The following CHD6 variants were observed in gnomAD, a reference collection of about 807,000 sequenced individuals.
CHD6 encodes chromodomain helicase DNA binding protein 6.
A neutral mutation model predicts 276.9 loss-of-function variants in CHD6; 50 were observed. The observed-to-expected ratio is 0.18, with a 90% CI of 0.14 to 0.23. CHD6 has a LOEUF of 0.23. Among genes scored for constraint, CHD6 ranks in the 10% least tolerant of loss-of-function variants. The probability of loss-of-function intolerance (pLI) is 1.00; values close to 1 mark genes in which losing one functional copy is unlikely to be tolerated. For synonymous variants in CHD6, 1,173 were observed against 1,229.3 expected (o/e 0.95, Z 0.96); for missense variants, 2,564 against 3,365.8 (o/e 0.76, Z 5.89).
intron 22 of CHD6, 43 bp downstream of exon 22, chr20:41,451,783 C>T (rs1286027189): frequency 1.9e-6 from 3 of 1,552,642 alleles, no homozygotes; most frequent in African/African-American, 2.7e-5. Flanking sequence ...GGATGAAGTG[C>T]ATGGGAATCG....
intron 1 of CHD6, among the ~76,000 whole-genome samples, chr20:41,613,746 T>C (rs1037316463): frequency 2.0e-5 from 3 of 152,312 alleles, no homozygotes; most frequent in Non-Finnish European, 2.9e-5. Flanking sequence ...TGGAAAGGTA[T>C]GGCGATAGGG....
intron 1 of CHD6, among the ~76,000 whole-genome samples, 186 bp from the exon 2 acceptor site, chr20:41,551,546 A>C (rs2045147380): frequency 6.6e-6 from 1 of 152,238 alleles, no homozygotes; most frequent in South Asian, 2.1e-4. Flanking sequence ...TTAGACCCTA[A>C]TTTATTGCAC....
rs542412222 is a variant in CHD6, at chr20:41,578,787, T to C, written c.-23-27427A>G. 3.3e-5 allele frequency among the ~76,000 whole-genome samples: 5 copies of C among 150,684 alleles called. No homozygotes were observed. The East Asian group carries it at 9.8e-4, about 30-fold the overall frequency. ...ATGCACACCTGTAATCCCAGCTACT[T>C]GGAGGCTGAGGTGGGAGGATCACTT... On this transcript the variant is annotated intron_variant, in intron 1 of 36. Transcript: ENST00000373233.
At chr20:41,484,792 A>T (rs2043373506) in intron 14 of CHD6, among the ~76,000 whole-genome samples, 185 bp from the exon 15 acceptor site, 1 of 152,182 alleles carries the variant, frequency 6.6e-6, no homozygotes, top group African/African-American at 2.4e-5. Context: ...GGAATAAGGG[A>T]TATGATTTTA....
chr20:41,496,633 G>A (rs564484839), intron 8 of CHD6, among the ~76,000 whole-genome samples: 49 of 152,300 alleles, frequency 3.2e-4, no homozygotes, highest in African/African-American at 1.1e-3. Flanking sequence ...TGAACTACTC[G>A]TCAGTATTAT....
chr20:41,490,068 C>T, intron 11 of CHD6, 47 bp from the exon 12 acceptor site: 2 of 1,531,070 alleles, frequency 1.3e-6, no homozygotes, highest in Non-Finnish European at 1.8e-6. Context: ...ATATAGGAAA[C>T]TTATAGAGGC....
At chr20:41,586,332 C>A (rs940034514) in intron 1 of CHD6, among the ~76,000 whole-genome samples, 1 of 152,232 alleles carries the variant, frequency 6.6e-6, no homozygotes, top group Non-Finnish European at 1.5e-5. Flanking sequence ...TCTGATCCAG[C>A]GAGGTGCCCA....
chr20:41,503,493 T>C (rs2043888993), intron 5 of CHD6, among the ~76,000 whole-genome samples: 1 of 152,206 alleles, frequency 6.6e-6, no homozygotes, highest in Admixed American at 6.5e-5. Context: ...TGAAATATTT[T>C]TCTTACTCTC....
chr20:41,566,833 G>T (rs1341141989), intron 1 of CHD6, among the ~76,000 whole-genome samples: 3 of 152,174 alleles, frequency 2.0e-5, no homozygotes, highest in African/African-American at 7.2e-5. Flanking sequence ...CATCTGCCCA[G>T]TGTTAGGTGT....
At chr20:41,564,841 C>T (rs2045338644) in intron 1 of CHD6, among the ~76,000 whole-genome samples, 1 of 152,138 alleles carries the variant, frequency 6.6e-6, no homozygotes, top group African/African-American at 2.4e-5. Flanking sequence ...TGGAGAGAGG[C>T]TCTCAAAATG....
chr20:41,492,129 C>T (rs1397960612), intron 10 of CHD6, among the ~76,000 whole-genome samples: 1 of 152,166 alleles, frequency 6.6e-6, no homozygotes, highest in East Asian at 1.9e-4. Flanking sequence ...ATTTATTTAT[C>T]CATGCACACA....
intron 1 of CHD6, among the ~76,000 whole-genome samples, chr20:41,610,412 T>A (rs984614760): frequency 6.6e-6 from 1 of 152,156 alleles, no homozygotes; most frequent in Non-Finnish European, 1.5e-5. Flanking sequence ...TAAGACTCAG[T>A]CTTTCAAGGG....
chr20:41,584,468 C>A (rs1418906941), intron 1 of CHD6, among the ~76,000 whole-genome samples: 1 of 152,098 alleles, frequency 6.6e-6, no homozygotes, highest in Non-Finnish European at 1.5e-5. Context: ...AACACTACAA[C>A]CAACTTTACC....
In CHD6 at chr20:41,598,384, T is replaced by G. The variant is rs563436849; in HGVS notation, c.-24+19956A>C. 3.3e-5 allele frequency among the ~76,000 whole-genome samples: 5 copies of G among 152,324 alleles called. No homozygotes were observed. In the South Asian group the frequency reaches 1.0e-3, roughly 32 times the overall value. ...AAAGATTTAAAACCCACCCTAGCTA[T>G]TGAAACAGGGTACCAAGATGCAAAT... On this transcript the variant is annotated intron_variant, in intron 1 of 36. Coordinates refer to ENST00000373233, the MANE Select transcript of CHD6 (RefSeq NM_032221.5).
intron 1 of CHD6, among the ~76,000 whole-genome samples, chr20:41,595,847 T>C (rs1443827807): frequency 2.6e-5 from 4 of 152,064 alleles, no homozygotes; most frequent in Non-Finnish European, 5.9e-5. Context: ...ATTTGTCAAC[T>C]TCTAATAGAA....
At chr20:41,592,526 T>C (rs2045674377) in intron 1 of CHD6, among the ~76,000 whole-genome samples, 1 of 152,234 alleles carries the variant, frequency 6.6e-6, no homozygotes, top group Non-Finnish European at 1.5e-5. Flanking sequence ...TTTAAAAGTA[T>C]TAACAATGAC....
At chr20:41,420,471 G>A in intron 31 of CHD6, 37 bp downstream of exon 31, 11 of 1,563,718 alleles carry the variant, frequency 7.0e-6, no homozygotes, top group Non-Finnish European at 9.5e-6. Context: ...GTGTGAACTA[G>A]TTTATCCAAA....
In CHD6 at chr20:41,457,122, T is replaced by C. The variant is rs1020203589; in HGVS notation, c.2829+142A>G. 17 of 916,622 alleles carry C rather than the reference T, an allele frequency of 1.9e-5. No homozygotes were observed. In the Admixed American group the frequency reaches 3.7e-4, roughly 20 times the overall value. 56.8% of individuals were successfully genotyped at this position (916,622 alleles called of 1,614,324 possible). ...ACACCTGACTCTTAACGATGCCCTG[T>C]TGTAGGGAATTACCCAATAATGATG... On this transcript the variant is annotated intron_variant, in intron 18 of 36. Transcript: ENST00000373233.
At chr20:41,598,866 C>T (rs915615341) in intron 1 of CHD6, among the ~76,000 whole-genome samples, 1 of 152,168 alleles carries the variant, frequency 6.6e-6, no homozygotes, top group Non-Finnish European at 1.5e-5. Flanking sequence ...AGTGGGGCAA[C>T]ACTTGCGCCC....
Sources: gnomAD v4.1 joint callset for allele counts (sites outside exome capture counted in the v4.1 genomes callset) on GRCh38, gnomAD v4.1.1 for gene constraint, MANE v1.5 for transcripts, NCBI Gene and HGNC (gene_info 2026-07-23, HGNC 2026-07-21) for gene names.